PCNT: variants seen among roughly 807,000 people sequenced by gnomAD.
PCNT encodes the protein pericentrin, also known as kendrin.
A neutral mutation model predicts 380.4 loss-of-function variants in PCNT; 319 were observed. That is an observed-to-expected ratio of 0.84 (90% CI 0.77 to 0.92). The LOEUF is 0.92. PCNT is among the 40% of genes least tolerant of loss of function. PCNT has a pLI of 0.00. For missense variants in PCNT, 4,400 were observed against 4,255.3 expected, an observed-to-expected ratio of 1.03 and a Z score of -0.95; for synonymous variants, 1,845 against 1,735.2, an observed-to-expected ratio of 1.06 and a Z score of -1.57.
intron 19 of PCNT, among the ~76,000 whole-genome samples, chr21:46,390,327 A>G (rs1440790936): frequency 6.6e-6 from 1 of 152,204 alleles, no homozygotes; most frequent in Non-Finnish European, 1.5e-5. Context: ...TGAAAATAAA[A>G]ATTCTTTTTT....
rs1569299464 is a variant in PCNT, at chr21:46,431,640, C to A, written c.8176C>A (p.His2726Asn). 1.2e-6 allele frequency: 2 copies of A among 1,613,808 alleles called. No homozygotes were observed. The highest frequency in any genetic ancestry group is 3.3e-5 in the Admixed American group (2 of 60,012). The change falls in exon 38 of 47, where the codon CAC (histidine) becomes AAC (asparagine). Residue 2726 changes from histidine to asparagine, a missense_variant. By Grantham distance (68) the His-to-Asn change is moderately conservative. Coordinates refer to ENST00000359568, the MANE Select transcript of PCNT (RefSeq NM_006031.6). ...CCTGCAGAAGGAGCTGCGTATCGAGCACTCACGCTGCGAGGCCTTGCTGGC... is the reference window on the plus strand; with the variant it reads ...CCTGCAGAAGGAGCTGCGTATCGAGAACTCACGCTGCGAGGCCTTGCTGGC... ...DNLQKELRIE[H>N]SRCEALLAQE...
chr21:46,434,990 T>C (rs1305177310), intron 38 of PCNT, among the ~76,000 whole-genome samples: 2 of 152,030 alleles, frequency 1.3e-5, no homozygotes, highest in Non-Finnish European at 2.9e-5. Flanking sequence ...TTTTAAAAAC[T>C]ACGATGGAAA....
Position 46,365,366 on chromosome 21 carries a change from TG to T in PCNT, c.2610-1217del, listed in dbSNP as rs35366880. On this transcript the variant is annotated intron_variant, in intron 14 of 46. Coordinates refer to ENST00000359568, the MANE Select transcript of PCNT (RefSeq NM_006031.6). Reference sequence around the variant, plus strand: ...GGTTCTATTCACTGCCGTGGGGTTCTGATCACTGCCGTGGGGTTCTGTTCAC... The same window carrying T: ...GGTTCTATTCACTGCCGTGGGGTTCTATCACTGCCGTGGGGTTCTGTTCAC... Among the ~76,000 whole-genome samples, 24 of 140,708 alleles carry T rather than the reference TG, an allele frequency of 1.7e-4. 1 individual carries two copies. The highest frequency in any genetic ancestry group is 2.4e-4 in the South Asian group (1 of 4,214). The allele number at this position is 140,708 out of a possible 152,430, so 92.3% of individuals were successfully genotyped here. A position where few individuals can be genotyped will look rare whatever the true frequency, so the allele number is the denominator to read the frequency against.
At chr21:46,442,453 G>T in intron 43 of PCNT, 44 bp from the exon 44 acceptor site, 1 of 1,249,534 alleles carries the variant, frequency 8.0e-7, no homozygotes, top group Non-Finnish European at 1.2e-6. Flanking sequence ...TTCCCTTCCT[G>T]TCTTGCCGTA....
chr21:46,441,396 A>G (rs1009241306), intron 43 of PCNT, among the ~76,000 whole-genome samples: 1 of 152,036 alleles, frequency 6.6e-6, no homozygotes, highest in East Asian at 1.9e-4. Context: ...TTCCCCCTAA[A>G]CACTGTGCGG....
chr21:46,333,285 A>G (rs1257067217), intron 2 of PCNT, among the ~76,000 whole-genome samples: 1 of 152,116 alleles, frequency 6.6e-6, no homozygotes, highest in Non-Finnish European at 1.5e-5. Flanking sequence ...TACAAAAATT[A>G]GCTGGGCATG....
In PCNT at chr21:46,411,704, C is replaced by T. The variant is rs16979162; in HGVS notation, c.5631C>T (p.Ile1877=). ...EATIAERNLE[I]DALNQRKAAH... The stretch of plus-strand genomic sequence containing the variant: ...CGATTGCCGAGAGAAATTTAGAAAT[C>T]GACGCTCTGAACCAGCGGAAGGCGG... Residue 1877 remains isoleucine, a synonymous_variant, in exon 28 of 47, where the codon ATC becomes ATT. Coordinates refer to ENST00000359568, the MANE Select transcript of PCNT (RefSeq NM_006031.6). The T allele has an allele frequency of 0.09, 145,591 of 1,612,646 alleles. 12,049 individuals are homozygous for T. The highest frequency in any genetic ancestry group is 0.44 in the African/African-American group (33,362 of 75,000).
chr21:46,401,852 T>C, intron 26 of PCNT, 131 bp downstream of exon 26: 2 of 898,452 alleles, frequency 2.2e-6, no homozygotes, highest in Non-Finnish European at 3.4e-6. Flanking sequence ...TTCTTTTCTT[T>C]TTTTTGTTGT....
In PCNT at chr21:46,444,722, G is replaced by C. The variant is rs544289144; in HGVS notation, c.9868G>C (p.Glu3290Gln). 1 of 1,611,564 alleles carries C rather than the reference G, an allele frequency of 6.2e-7. No individual in the cohort carries two copies. Among genetic ancestry groups the C allele is most frequent in the Non-Finnish European group, 8.5e-7 (1 of 1,179,244 alleles). ...CACTCCATCCCCAAATTCAAGATTA[G>C]AAAGATCCCTGACTGCTTCTCAAGA... ...RATPSPNSRL[E>Q]RSLTASQDPE... The change falls in exon 46 of 47, where the codon GAA becomes CAA. Residue 3290 changes from glutamate to glutamine, a missense_variant. By Grantham distance (29) the Glu-to-Gln change is conservative. Coordinates refer to ENST00000359568, the MANE Select transcript of PCNT (RefSeq NM_006031.6).
chr21:46,366,730 T>C lies in PCNT; in HGVS notation c.2756T>C (p.Leu919Pro), dbSNP rs1289387133. Residue 919 changes from leucine to proline, a missense_variant, in exon 15 of 47, where the codon CTC (leucine) becomes CCC (proline). Physicochemically the swap from Leu to Pro is moderately conservative, Grantham distance 98. Coordinates refer to ENST00000359568, the MANE Select transcript of PCNT (RefSeq NM_006031.6). Reference protein sequence around the residue: ...QQQLLSVTAELEARHQAALGE... With the variant: ...QQQLLSVTAEPEARHQAALGE... Reference sequence around the variant, plus strand: ...CAGCTCCTGTCAGTGACGGCGGAGCTCGAGGCCAGACACCAGGCCGCGTTG... The same window carrying C: ...CAGCTCCTGTCAGTGACGGCGGAGCCCGAGGCCAGACACCAGGCCGCGTTG... The C allele has an allele frequency of 1.2e-6, 2 of 1,613,452 alleles. No individual in the cohort carries two copies. The highest frequency in any genetic ancestry group is 1.3e-5 in the African/African-American group (1 of 74,946).
Position 46,431,863 on chromosome 21 carries a change from GGGT to G in PCNT, c.8405_8407del (p.Val2802del). ...CAGAAGCTGAAGGAGGAGAAGTCCCGGGTGGTGGACTTGCAAGCGATGCTTGAA... is the reference window on the plus strand; with the variant it reads ...CAGAAGCTGAAGGAGGAGAAGTCCCGGGTGGACTTGCAAGCGATGCTTGAA... On this transcript the variant is annotated inframe_deletion, in exon 38 of 47. Coordinates refer to ENST00000359568, the MANE Select transcript of PCNT (RefSeq NM_006031.6). 6.2e-7 allele frequency: 1 copy of G among 1,614,010 alleles called. No individual in the cohort carries two copies. The highest frequency in any genetic ancestry group is 8.5e-7 in the Non-Finnish European group (1 of 1,180,024).
Position 46,388,668 on chromosome 21 carries a change from C to A in PCNT, c.3465-74C>A, listed in dbSNP as rs1345736450. On this transcript the variant is annotated intron_variant, in intron 17 of 46. Coordinates refer to ENST00000359568, the MANE Select transcript of PCNT (RefSeq NM_006031.6). The surrounding 1 kb of genome is among the most constrained non-coding windows in gnomAD (Gnocchi z 4.2). ...CGAGGTGTGCAAACTGGTGGGCGGCCCCTCAGCAGCATCCAGGGTGGGGGT... is the reference window on the plus strand; with the variant it reads ...CGAGGTGTGCAAACTGGTGGGCGGCACCTCAGCAGCATCCAGGGTGGGGGT... 15 of 1,586,974 alleles carry A rather than the reference C, an allele frequency of 9.5e-6. No homozygotes were observed. The highest frequency in any genetic ancestry group is 1.2e-5 in the Non-Finnish European group (14 of 1,163,656).
intron 10 of PCNT, among the ~76,000 whole-genome samples, chr21:46,353,751 TGAGA>T (rs1555954604): frequency 1.1e-3 from 113 of 104,402 alleles, no homozygotes; most frequent in African/African-American, 2.5e-3. Flanking sequence ...TGTGTGTGTG[TGAGA>T]GAGACAGAGA....
intron 14 of PCNT, among the ~76,000 whole-genome samples, chr21:46,365,015 C>T (rs747084008): frequency 1.3e-5 from 2 of 152,234 alleles, no homozygotes; most frequent in Admixed American, 6.5e-5. Flanking sequence ...GCTCTTTGGC[C>T]TCCTGATGGG....
chr21:46,338,443 G>C (rs896950030), intron 3 of PCNT, among the ~76,000 whole-genome samples: 2 of 152,188 alleles, frequency 1.3e-5, no homozygotes, highest in Non-Finnish European at 1.5e-5. Flanking sequence ...TTAGCAAAAT[G>C]AGTTGAAGAT....
chr21:46,444,574 AC>A, intron 45 of PCNT, 119 bp from the exon 46 acceptor site: 1 of 1,047,148 alleles, frequency 9.5e-7, no homozygotes, highest in Admixed American at 2.0e-5. Context: ...ACCCATCCCC[AC>A]GGGTCTGGTT....
At chr21:46,404,545 G>A (rs1323973025) in intron 27 of PCNT, among the ~76,000 whole-genome samples, 1 of 138,414 alleles carries the variant, frequency 7.2e-6, no homozygotes, top group African/African-American at 2.6e-5. Context: ...CTACGCCTGC[G>A]TCTCCTGTAC....
At chr21:46,393,852 G>A (rs2086119694) in intron 21 of PCNT, among the ~76,000 whole-genome samples, 2 of 152,216 alleles carry the variant, frequency 1.3e-5, no homozygotes, top group Admixed American at 6.5e-5. Flanking sequence ...ACAGGTGGAT[G>A]TGGGCCCTGG....
At position 46,324,338 on chromosome 21, in the gene PCNT, T is replaced by A. The variant is rs2083281974; in HGVS notation, c.54+56T>A. 3.5e-6 allele frequency: 5 copies of A among 1,412,764 alleles called. No individual in the cohort carries two copies. In the Admixed American group the frequency reaches 9.5e-5, roughly 27 times the overall value. The allele number at this position is 1,412,764 out of a possible 1,614,324, so 87.5% of individuals were successfully genotyped here. On this transcript the variant is annotated intron_variant, in intron 1 of 46. Coordinates refer to ENST00000359568, the MANE Select transcript of PCNT (RefSeq NM_006031.6). Reference sequence around the variant, plus strand: ...TCTGGCGTGAAGTCCTAAGGGCGGCTCCGGTGCCCGCCACCGCCCCCTGCC... The same window carrying A: ...TCTGGCGTGAAGTCCTAAGGGCGGCACCGGTGCCCGCCACCGCCCCCTGCC...
Sources: allele counts gnomAD v4.1 joint callset (sites outside exome capture counted in the v4.1 genomes callset), GRCh38; gene constraint gnomAD v4.1.1; non-coding constraint Gnocchi (gnomAD v3.1); transcripts MANE v1.5; gene names NCBI Gene and HGNC (gene_info 2026-07-23, HGNC 2026-07-21).